Variants in EFCAB5 observed in about 807,000 individuals in gnomAD.
EFCAB5 encodes EF-hand calcium-binding domain-containing protein 5.
A neutral mutation model predicts 167.9 loss-of-function variants in EFCAB5; 131 were observed. The ratio of observed to expected loss-of-function variants is 0.78; its 90% confidence interval spans 0.68 to 0.90. The LOEUF (loss-of-function observed/expected upper bound fraction) is 0.90, where lower values mean the gene tolerates loss of function less well. Among genes scored for constraint, EFCAB5 ranks in the 40% least tolerant of loss-of-function variants. EFCAB5 has a pLI of 0.00. For missense variants in EFCAB5, 1,663 were observed against 1,745.2 expected, an observed-to-expected ratio of 0.95 and a Z score of 0.84; for synonymous variants, 574 against 602.8, an observed-to-expected ratio of 0.95 and a Z score of 0.70.
At chr17:30,061,850 G>A (rs1174188695) in intron 14 of EFCAB5, among the ~76,000 whole-genome samples, 1 of 152,156 alleles carries the variant, frequency 6.6e-6, no homozygotes, top group Non-Finnish European at 1.5e-5. Flanking sequence ...TTACAGGTGT[G>A]AGCCACTGTA....
intron 3 of EFCAB5, among the ~76,000 whole-genome samples, chr17:29,960,527 A>G (rs1284466291): frequency 6.6e-6 from 1 of 152,176 alleles, no homozygotes; most frequent in Non-Finnish European, 1.5e-5. Context: ...TGGTGCACCT[A>G]TCAACCCGTC....
At chr17:29,961,712 C>T (rs569011480) in intron 3 of EFCAB5, among the ~76,000 whole-genome samples, 1 of 152,102 alleles carries the variant, frequency 6.6e-6, no homozygotes, top group South Asian at 2.1e-4. Context: ...CCTCAGCTTC[C>T]CAAGTAGCTG....
intron 1 of EFCAB5, 144 bp from the exon 2 acceptor site, chr17:29,942,096 A>T: frequency 1.3e-6 from 1 of 772,420 alleles, no homozygotes; most frequent in Non-Finnish European, 2.0e-6. Context: ...TGATACAACT[A>T]CTTTGTGTAA....
intron 8 of EFCAB5, among the ~76,000 whole-genome samples, chr17:30,043,602 A>C (rs903972518): frequency 1.3e-5 from 2 of 152,252 alleles, no homozygotes; most frequent in Non-Finnish European, 2.9e-5. Context: ...TTGGAAGATG[A>C]AATTTGTAAA....
chr17:29,978,263 C>T (rs889879092), intron 4 of EFCAB5, among the ~76,000 whole-genome samples: 10 of 152,088 alleles, frequency 6.6e-5, no homozygotes, highest in Non-Finnish European at 1.2e-4. Flanking sequence ...TTTGTCAAGC[C>T]AGTAAAACAG....
intron 3 of EFCAB5, among the ~76,000 whole-genome samples, chr17:29,954,388 A>G (rs1355930652): frequency 6.6e-6 from 1 of 152,154 alleles, no homozygotes; most frequent in South Asian, 2.1e-4. Flanking sequence ...GGTGCCCTGC[A>G]TCCCATCCAC....
intron 22 of EFCAB5, among the ~76,000 whole-genome samples, chr17:30,096,431 T>A (rs2071287978): frequency 6.6e-6 from 1 of 151,940 alleles, no homozygotes; most frequent in Admixed American, 6.6e-5. Context: ...TGGTCCCAGC[T>A]ACTTGGGAAG....
chr17:30,090,331 G>A, intron 19 of EFCAB5, 90 bp from the exon 20 acceptor site: 1 of 1,486,252 alleles, frequency 6.7e-7, no homozygotes. Context: ...AAGTGAGGTA[G>A]GCACAAGAGA....
intron 7 of EFCAB5, among the ~76,000 whole-genome samples, chr17:30,025,584 G>A (rs1306912079): frequency 6.6e-6 from 1 of 152,220 alleles, no homozygotes; most frequent in Non-Finnish European, 1.5e-5. Context: ...CTGTAAACTA[G>A]TTCAACCATT....
At chr17:30,024,891 C>T (rs2069276323) in intron 7 of EFCAB5, among the ~76,000 whole-genome samples, 2 of 151,558 alleles carry the variant, frequency 1.3e-5, no homozygotes, top group African/African-American at 4.8e-5. Context: ...ATATCTACAA[C>T]TATCTGATCT....
At chr17:30,026,518 T>A (rs2069327720) in intron 7 of EFCAB5, among the ~76,000 whole-genome samples, 1 of 152,200 alleles carries the variant, frequency 6.6e-6, no homozygotes, top group Admixed American at 6.5e-5. Flanking sequence ...ACTATAAAAG[T>A]ATATTTGTTT....
At chr17:30,081,269 C>T (rs1487649537) in intron 17 of EFCAB5, among the ~76,000 whole-genome samples, 1 of 152,166 alleles carries the variant, frequency 6.6e-6, no homozygotes, top group Non-Finnish European at 1.5e-5. Context: ...AACCATTGAC[C>T]ATTAAGACCC....
chr17:29,942,148 A>G, intron 1 of EFCAB5, 92 bp from the exon 2 acceptor site: 1 of 1,131,268 alleles, frequency 8.8e-7, no homozygotes, highest in Non-Finnish European at 1.2e-6. Context: ...GAAATTTTTA[A>G]AAATTAAAAG....
rs1211468689 is a variant in EFCAB5, at chr17:30,082,152, C to T, written c.3427-739C>T. Among the ~76,000 whole-genome samples, 9 of 152,104 alleles carry T rather than the reference C, an allele frequency of 5.9e-5. No homozygotes were observed. In the South Asian group the frequency reaches 6.2e-4, roughly 10 times the overall value. On this transcript the variant is annotated intron_variant, in intron 17 of 22. Coordinates refer to ENST00000394835, the MANE Select transcript of EFCAB5 (RefSeq NM_198529.4). The stretch of plus-strand genomic sequence containing the variant: ...TGGAACCAAACATGTCCTATACTGT[C>T]GATCTGATGATAGTGGCCATGTCTG...
At chr17:30,090,026 C>T (rs936787428) in intron 19 of EFCAB5, among the ~76,000 whole-genome samples, 4 of 152,336 alleles carry the variant, frequency 2.6e-5, no homozygotes, top group East Asian at 1.9e-4. Context: ...CTGTCTCAGG[C>T]TCTGCTTCTA....
intron 4 of EFCAB5, among the ~76,000 whole-genome samples, chr17:29,992,687 C>T (rs2068447736): frequency 6.6e-6 from 1 of 152,170 alleles, no homozygotes; most frequent in African/African-American, 2.4e-5. Context: ...ATCCATTTGT[C>T]TGTTGGAGGA....
At chr17:29,983,722 A>G (rs569545201) in intron 4 of EFCAB5, among the ~76,000 whole-genome samples, 69 of 152,344 alleles carry the variant, frequency 4.5e-4, no homozygotes, top group Admixed American at 2.0e-3. Context: ...GCTACAGAAG[A>G]CAAATTTTAT....
chr17:29,996,631 A>G (rs1200523128), intron 6 of EFCAB5, among the ~76,000 whole-genome samples: 2 of 152,204 alleles, frequency 1.3e-5, no homozygotes, highest in Admixed American at 1.3e-4. Context: ...TATTTCTTAC[A>G]TACATAGAAT....
intron 8 of EFCAB5, among the ~76,000 whole-genome samples, chr17:30,037,568 A>G (rs2069660762): frequency 6.6e-6 from 1 of 152,184 alleles, no homozygotes; most frequent in Admixed American, 6.5e-5. Context: ...TCAATAGGTG[A>G]CCAAAAATAG....
Sources: allele counts gnomAD v4.1 joint callset (sites outside exome capture counted in the v4.1 genomes callset), GRCh38; gene constraint gnomAD v4.1.1; transcripts MANE v1.5; gene names NCBI Gene and HGNC (gene_info 2026-07-23, HGNC 2026-07-21).